MYO15A: variants seen among roughly 807,000 people sequenced by gnomAD.
The protein encoded by MYO15A is myosin XVA.
A neutral mutation model predicts 394.6 loss-of-function variants in MYO15A; 308 were observed. That is an observed-to-expected ratio of 0.78 (90% CI 0.71 to 0.86). MYO15A has a LOEUF of 0.86. MYO15A is among the 40% of genes least tolerant of loss of function. MYO15A has a pLI of 0.00. For missense variants in MYO15A, 4,606 were observed against 4,799.1 expected, an observed-to-expected ratio of 0.96 and a Z score of 1.19; for synonymous variants, 1,957 against 2,003.8, an observed-to-expected ratio of 0.98 and a Z score of 0.62.
At chr17:18,162,798 G>T in intron 58 of MYO15A, 119 bp downstream of exon 58, 2 of 1,032,444 alleles carry the variant, frequency 1.9e-6, no homozygotes, top group Non-Finnish European at 1.5e-6. Flanking sequence ...TCAGGAGTTC[G>T]AGACCAGCCT....
rs767228921 is a variant in MYO15A at position 18,139,520 on chromosome 17, G to T, written c.5134-14G>T. 9.7e-5 allele frequency: 157 copies of T among 1,613,264 alleles called. No individual in the cohort carries two copies. The highest frequency in any genetic ancestry group is 1.6e-4 in the Middle Eastern group (1 of 6,084). On this transcript the variant is annotated splice_polypyrimidine_tract_variant and intron_variant, in intron 18 of 65. Transcript: ENST00000647165. ...AGAGGCCAGGATTACCCAGGCCATT[G>T]TTCCCCTTTTCAGGTGCACAAGTTC...
chr17:18,113,508 C>T (rs2045747181), intron 1 of MYO15A, among the ~76,000 whole-genome samples: 1 of 152,092 alleles, frequency 6.6e-6, no homozygotes, highest in Non-Finnish European at 1.5e-5. Flanking sequence ...CCTATAATCC[C>T]AGCACTTTGG....
In MYO15A at chr17:18,146,026, A is replaced by G. The variant is rs1221285691; in HGVS notation, c.6428A>G (p.Asn2143Ser). ...NQVWHNHNAH[N>S]AERGWLLLAA... ...GTGTGGCACAATCACAATGCCCACAATGCTGAGCGGGGCTGGCTGCTGCTG... is the reference window on the plus strand; with the variant it reads ...GTGTGGCACAATCACAATGCCCACAGTGCTGAGCGGGGCTGGCTGCTGCTG... The change falls in exon 30 of 66, where the codon AAT (asparagine) becomes AGT (serine). Residue 2143 changes from asparagine (N) to serine (S), a missense_variant. By Grantham distance (46) the Asn-to-Ser change is conservative. This residue lies in a region of MYO15A where 2,776 missense variants were observed against 3,109.3 expected (regional missense o/e 0.89). Transcript: ENST00000647165. The G allele has an allele frequency of 2.5e-6, 4 of 1,613,860 alleles. No individual in the cohort carries two copies. The highest frequency in any genetic ancestry group is 3.4e-6 in the Non-Finnish European group (4 of 1,180,032).
In MYO15A at chr17:18,146,082, C is replaced by A. The variant is rs758403787; in HGVS notation, c.6484C>A (p.Pro2162Thr). 1 of 1,613,896 alleles carries A rather than the reference C, an allele frequency of 6.2e-7. No homozygotes were observed. Among genetic ancestry groups the A allele is most frequent in the Non-Finnish European group, 8.5e-7 (1 of 1,180,022 alleles). The stretch of plus-strand genomic sequence containing the variant: ...CTGCCTCAGTGGCTTTGCACCTTCC[C>A]CGTGCTTCAACAAGTACCTTCTCAA... ...AACLSGFAPS[P>T]CFNKYLLKFV... Residue 2162 changes from proline (P) to threonine (T), a missense_variant, in exon 30 of 66, where the codon CCG (proline) becomes ACG (threonine). By Grantham distance (38) the Pro-to-Thr change is conservative (BLOSUM62 -1). This residue lies in a region of MYO15A where 2,776 missense variants were observed against 3,109.3 expected (regional missense o/e 0.89). Coordinates refer to ENST00000647165, the MANE Select transcript of MYO15A (RefSeq NM_016239.4).
At chr17:18,133,745 C>T (rs1036135292) in intron 12 of MYO15A, among the ~76,000 whole-genome samples, 3 of 152,008 alleles carry the variant, frequency 2.0e-5, no homozygotes, top group African/African-American at 7.3e-5. Context: ...CAACCACCGC[C>T]TCCCAGGCTC....
At chr17:18,144,744 A>C (rs1035005169) in intron 29 of MYO15A, 152 bp downstream of exon 29, 29 of 713,436 alleles carry the variant, frequency 4.1e-5, no homozygotes, top group Non-Finnish European at 6.6e-5. Context: ...CAGAGGGGGA[A>C]ATCTGGCTTC....
chr17:18,166,639 C>T, intron 61 of MYO15A, 118 bp downstream of exon 61: 1 of 1,380,862 alleles, frequency 7.2e-7, no homozygotes. Flanking sequence ...GTGGATGTCT[C>T]TAGCCCTGAT....
In MYO15A at chr17:18,132,401, G is replaced by A; in HGVS notation, c.4207-52G>A. On this transcript the variant is annotated intron_variant, in intron 10 of 65. Coordinates refer to ENST00000647165, the MANE Select transcript of MYO15A (RefSeq NM_016239.4). The surrounding 1 kb of genome is among the most constrained non-coding windows in gnomAD (Gnocchi z 4.6). ...GCTTGGGCTTGTATGTGTGCCTGGG[G>A]GTCACCTAGGTAGGTGGCTCCCTTC... The A allele has an allele frequency of 6.9e-7, 1 of 1,439,536 alleles. No individual in the cohort carries two copies. Among genetic ancestry groups the A allele is most frequent in the Non-Finnish European group, 9.8e-7 (1 of 1,023,798 alleles). The allele number at this position is 1,439,536 out of a possible 1,614,324, so 89.2% of individuals were successfully genotyped here. A position where few individuals can be genotyped will look rare whatever the true frequency, so the allele number is the denominator to read the frequency against.
rs763456237 is a variant in MYO15A, at chr17:18,133,340, T to G, written c.4436T>G (p.Leu1479Arg). 1.2e-6 allele frequency: 2 copies of G among 1,614,224 alleles called. No individual in the cohort carries two copies. The highest frequency in any genetic ancestry group is 1.7e-6 in the Non-Finnish European group (2 of 1,180,026). Residue 1479 changes from leucine (L) to arginine (R), a missense_variant, in exon 12 of 66, where the codon CTG (leucine) becomes CGG (arginine). Leu to Arg is a moderately radical substitution (Grantham distance 102, BLOSUM62 -2). This residue lies in a region of MYO15A where 2,776 missense variants were observed against 3,109.3 expected (regional missense o/e 0.89). Coordinates refer to ENST00000647165, the MANE Select transcript of MYO15A (RefSeq NM_016239.4). ...GACCAGGACAGCATCTTCCGCATCC[T>G]GGCCTCCATCCTGCACCTGGGCAAC... Reference protein sequence around the residue: ...SEDQDSIFRILASILHLGNVY... With the variant: ...SEDQDSIFRIRASILHLGNVY...
At chr17:18,176,020 G>C (rs1404005406) in intron 65 of MYO15A, among the ~76,000 whole-genome samples, 1 of 152,018 alleles carries the variant, frequency 6.6e-6, no homozygotes, top group Non-Finnish European at 1.5e-5. Context: ...CCCTTTATTT[G>C]GGTTTCAGCA....
rs761069955 is a variant in MYO15A, at chr17:18,120,870, G to A, written c.2070G>A (p.Pro690=). The change falls in exon 2 of 66, where the codon CCG becomes CCA. Residue 690 remains proline, a synonymous_variant. Coordinates refer to ENST00000647165, the MANE Select transcript of MYO15A (RefSeq NM_016239.4). ...LSPALSGLPR[P]ASPYGSLRRH... Reference sequence around the variant, plus strand: ...CGGCGCTCTCGGGCCTGCCCCGGCCGGCCTCGCCCTACGGCTCCCTCCGCC... The same window carrying A: ...CGGCGCTCTCGGGCCTGCCCCGGCCAGCCTCGCCCTACGGCTCCCTCCGCC... 7.8e-7 allele frequency: 1 copy of A among 1,277,636 alleles called. No homozygotes were observed. The allele number at this position is 1,277,636 out of a possible 1,614,324, so 79.1% of individuals were successfully genotyped here. A position where few individuals can be genotyped will look rare whatever the true frequency, so the allele number is the denominator to read the frequency against.
At chr17:18,124,021 C>T in intron 2 of MYO15A, 1 of 234,738 alleles carries the variant, frequency 4.3e-6, no homozygotes, top group Non-Finnish European at 8.7e-6. Flanking sequence ...ATGCAGGTGT[C>T]CACGCATTTT....
At chr17:18,161,257 G>T (rs2046771956) in intron 56 of MYO15A, 60 bp from the exon 57 acceptor site, 1 of 1,595,052 alleles carries the variant, frequency 6.3e-7, no homozygotes. Flanking sequence ...ATCCCAGGAG[G>T]CTCTTGGCAC....
chr17:18,172,178 T>A lies in MYO15A; in HGVS notation c.10238T>A (p.Met3413Lys), dbSNP rs750917448. The A allele has an allele frequency of 1.9e-6, 3 of 1,614,096 alleles. No individual in the cohort carries two copies. The highest frequency in any genetic ancestry group is 1.7e-6 in the Non-Finnish European group (2 of 1,180,042). Reference protein sequence around the residue: ...QFLGLLSALPMFGSSFFFIQS... With the variant: ...QFLGLLSALPKFGSSFFFIQS... ...CCAGGCCTCCTCAGCGCCTTACCTA[T>A]GTTCGGCTCCTCCTTCTTCTTCATC... is the stretch of plus-strand genomic sequence containing the variant. Residue 3413 changes from methionine (M) to lysine (K), a missense_variant, in exon 64 of 66, where the codon ATG becomes AAG. Physicochemically the swap from Met to Lys is moderately conservative, Grantham distance 95 (BLOSUM62 -1). This residue lies in a region of MYO15A where 2,776 missense variants were observed against 3,109.3 expected (regional missense o/e 0.89). Coordinates refer to ENST00000647165, the MANE Select transcript of MYO15A (RefSeq NM_016239.4).
Position 18,131,327 on chromosome 17 carries a change from A to G in MYO15A, c.4127A>G (p.Glu1376Gly). 6.2e-7 allele frequency: 1 copy of G among 1,614,130 alleles called. No individual in the cohort carries two copies. Among genetic ancestry groups the G allele is most frequent in the East Asian group, 2.2e-5 (1 of 44,876 alleles). Residue 1376 changes from glutamate (E) to glycine (G), a missense_variant, in exon 9 of 66, where the codon GAA becomes GGA. Coordinates refer to ENST00000647165, the MANE Select transcript of MYO15A (RefSeq NM_016239.4). ...DNSSRFGKFVEIFLEGGVISG... is the reference protein window; with the variant it reads ...DNSSRFGKFVGIFLEGGVISG... ...TCCAGCCGCTTTGGGAAGTTTGTGG[A>G]AATCTTTCTGGAAGGGTGAGTTGGG...
chr17:18,171,897 C>T, intron 63 of MYO15A, 126 bp downstream of exon 63: 1 of 1,433,994 alleles, frequency 7.0e-7, no homozygotes, highest in Admixed American at 2.2e-5. Context: ...TCAAGCTGAG[C>T]ACCTGCCTGG....
intron 47 of MYO15A, 28 bp downstream of exon 47, chr17:18,155,460 G>A (rs777408117): frequency 1.9e-6 from 3 of 1,585,244 alleles, no homozygotes; most frequent in Non-Finnish European, 2.6e-6. Flanking sequence ...AGTGGGGCTG[G>A]CTGGAGACTG....
chr17:18,143,635 G>A lies in MYO15A; in HGVS notation c.5964+16G>A. ...GGAGCAGGAGGTGGGTGTGGGTCTGGGTGGCAGCAGGGCCAAGGAGGGAGG... is the reference window on the plus strand; with the variant it reads ...GGAGCAGGAGGTGGGTGTGGGTCTGAGTGGCAGCAGGGCCAAGGAGGGAGG... On this transcript the variant is annotated intron_variant, in intron 26 of 65. Coordinates refer to ENST00000647165, the MANE Select transcript of MYO15A (RefSeq NM_016239.4). 1 of 1,567,438 alleles carries A rather than the reference G, an allele frequency of 6.4e-7. No homozygotes were observed. Among genetic ancestry groups the A allele is most frequent in the East Asian group, 2.4e-5 (1 of 42,348 alleles).
chr17:18,168,532 C>T (rs1366295163), intron 62 of MYO15A, among the ~76,000 whole-genome samples: 6 of 151,170 alleles, frequency 4.0e-5, no homozygotes, highest in Non-Finnish European at 5.9e-5. Flanking sequence ...AGCGCCATTG[C>T]ACTCCAACCG....
Sources: allele counts gnomAD v4.1 joint callset (sites outside exome capture counted in the v4.1 genomes callset), GRCh38; gene constraint gnomAD v4.1.1; regional missense constraint gnomAD v4.1.1; non-coding constraint Gnocchi (gnomAD v3.1); transcripts MANE v1.5; gene names NCBI Gene and HGNC (gene_info 2026-07-23, HGNC 2026-07-21).